Variants in MYLK observed in about 807,000 individuals in gnomAD.
MYLK encodes the protein myosin light chain kinase, smooth muscle.
A neutral mutation model predicts 203.4 loss-of-function variants in MYLK; 106 were observed. The ratio of observed to expected loss-of-function variants is 0.52; its 90% CI spans 0.45 to 0.61. The LOEUF (loss-of-function observed/expected upper bound fraction) is 0.61, where lower values mean the gene tolerates loss of function less well. MYLK is among the 20% of genes least tolerant of loss of function. The probability of loss-of-function intolerance (pLI) is 0.00; values close to 1 mark genes in which losing one functional copy is unlikely to be tolerated. For missense variants in MYLK, 2,072 were observed against 2,442.3 expected (o/e 0.85, Z 3.20); for synonymous variants, 867 against 959.5 (o/e 0.90, Z 1.78).
chr3:123,834,601 G>A (rs1037556891), intron 2 of MYLK, among the ~76,000 whole-genome samples: 17 of 151,934 alleles, frequency 1.1e-4, no homozygotes, highest in African/African-American at 4.1e-4. Context: ...GATGCGCAGT[G>A]GGATTATTGA....
At chr3:123,815,222 C>G (rs1441182057) in intron 3 of MYLK, among the ~76,000 whole-genome samples, 1 of 152,140 alleles carries the variant, frequency 6.6e-6, no homozygotes, top group Non-Finnish European at 1.5e-5. Flanking sequence ...GTCAACTTGC[C>G]TGGTGCTGAC....
chr3:123,779,581 C>T (rs558814516), intron 4 of MYLK, among the ~76,000 whole-genome samples: 26 of 152,312 alleles, frequency 1.7e-4, no homozygotes, highest in African/African-American at 5.8e-4. Flanking sequence ...CTCGTCCTGC[C>T]GTAATCCCTG....
rs764092408 is a variant in MYLK at position 123,733,856 on chromosome 3, G to A, written c.1140C>T (p.Ala380=). ...GGCCAGGCTGCCTGGTGGGGAAGGTGGCTGGACGGGGAGGAGCTGGCCTCT... is the reference window on the plus strand; with the variant it reads ...GGCCAGGCTGCCTGGTGGGGAAGGTAGCTGGACGGGGAGGAGCTGGCCTCT... ...ERKRPAPPRP[A]TFPTRQPGLG... is the part of the protein sequence containing the mutation. The change falls in exon 10 of 34, where the codon GCC becomes GCT. Residue 380 remains alanine, a synonymous_variant. Coordinates refer to ENST00000360304, the MANE Select transcript of MYLK (RefSeq NM_053025.4). 1 of 1,614,140 alleles carries A rather than the reference G, an allele frequency of 6.2e-7. No homozygotes were observed. The highest frequency in any genetic ancestry group is 8.5e-7 in the Non-Finnish European group (1 of 1,180,050).
At position 123,793,736 on chromosome 3, in the gene MYLK, T is replaced by G. The variant is rs771936901; in HGVS notation, c.106A>C (p.Ile36Leu). ...SMPLTEAPAF[I>L]LPPRNLCIKE... ...ATGCAGAGGTTCCGAGGGGGCAAAA[T>G]GAAAGCAGGGGCCTCTGTCAGGGGC... Residue 36 changes from isoleucine (I) to leucine (L), a missense_variant, in exon 4 of 34, where the codon ATT becomes CTT. Ile to Leu is a conservative substitution (Grantham distance 5). Transcript: ENST00000360304. The G allele has an allele frequency of 6.2e-7, 1 of 1,614,020 alleles. No homozygotes were observed. The highest frequency in any genetic ancestry group is 1.7e-5 in the Admixed American group (1 of 60,010).
chr3:123,814,157 G>C, intron 3 of MYLK: 1 of 359,798 alleles, frequency 2.8e-6, no homozygotes, highest in Admixed American at 2.7e-5. Context: ...CTGACTCATG[G>C]GCCCTGTTCC....
In MYLK at chr3:123,734,470, C is replaced by T. The variant is rs2062605824; in HGVS notation, c.774-248G>A. On this transcript the variant is annotated intron_variant, in intron 9 of 33. Transcript: ENST00000360304. ...CCAGAGCCCTGCTTTCCCTACAGTT[C>T]CCTTCTCTACTAGTGCCTCCGTAGT... 6.9e-6 allele frequency: 3 copies of T among 433,642 alleles called. No individual in the cohort carries two copies. In the Admixed American group the frequency reaches 1.2e-4, roughly 17 times the overall value. 26.9% of individuals were successfully genotyped at this position (433,642 alleles called of 1,614,324 possible). A position where few individuals can be genotyped will look rare whatever the true frequency, so the allele number is the denominator to read the frequency against.
intron 5 of MYLK, among the ~76,000 whole-genome samples, chr3:123,741,119 A>G (rs1207541648): frequency 6.6e-6 from 1 of 152,208 alleles, no homozygotes; most frequent in East Asian, 1.9e-4. Flanking sequence ...CTCTGATATC[A>G]GCAGACAGTT....
rs544344884 is a variant in MYLK, at chr3:123,699,247, AC to A, written c.3448+772del. ...GGTCCAGAGAAAATACTCCTGTGTCACCCCCATCTCTTCTCCAAGTATAAAC... is the reference window on the plus strand; with the variant it reads ...GGTCCAGAGAAAATACTCCTGTGTCACCCCATCTCTTCTCCAAGTATAAAC... On this transcript the variant is annotated intron_variant, in intron 18 of 33. Coordinates refer to ENST00000360304, the MANE Select transcript of MYLK (RefSeq NM_053025.4). 2.8e-4 allele frequency among the ~76,000 whole-genome samples: 42 copies of A among 151,722 alleles called. 1 individual carries two copies. The South Asian group carries it at 8.8e-3, about 32-fold the overall frequency.
In MYLK at chr3:123,793,854, G is replaced by T; in HGVS notation, c.-3-10C>A. ...TCACATCCCCCATGGTCTGCAAAAAGGAAGGAAGAGGACAAGGTCAGATCA... is the reference window on the plus strand; with the variant it reads ...TCACATCCCCCATGGTCTGCAAAAATGAAGGAAGAGGACAAGGTCAGATCA... On this transcript the variant is annotated splice_polypyrimidine_tract_variant and intron_variant, in intron 3 of 33. Transcript: ENST00000360304. 6.2e-7 allele frequency: 1 copy of T among 1,614,108 alleles called. No homozygotes were observed. Among genetic ancestry groups the T allele is most frequent in the Non-Finnish European group, 8.5e-7 (1 of 1,180,008 alleles).
intron 20 of MYLK, among the ~76,000 whole-genome samples, chr3:123,675,921 T>G (rs1055600375): frequency 6.6e-5 from 10 of 152,334 alleles, no homozygotes; most frequent in Admixed American, 4.6e-4. Context: ...ATATTGGTCA[T>G]TTTCCCAGAA....
chr3:123,699,665 G>A (rs1172524648), intron 18 of MYLK, among the ~76,000 whole-genome samples: 2 of 152,202 alleles, frequency 1.3e-5, no homozygotes, highest in Non-Finnish European at 2.9e-5. Flanking sequence ...TCTCCATGCC[G>A]GAGCTTGGAA....
chr3:123,748,209 C>CTA (rs1560167852), intron 5 of MYLK, among the ~76,000 whole-genome samples: 1 of 152,292 alleles, frequency 6.6e-6, no homozygotes, highest in East Asian at 1.9e-4. Flanking sequence ...GTCCCAGACT[C>CTA]TTTTAAACAA....
chr3:123,615,718 G>A (rs1408708526), intron 33 of MYLK, among the ~76,000 whole-genome samples: 7 of 150,576 alleles, frequency 4.6e-5, no homozygotes, highest in Non-Finnish European at 7.4e-5. Context: ...GCATGATCTC[G>A]GGTCACTGCA....
chr3:123,870,395 C>T (rs1486255403), intron 2 of MYLK, among the ~76,000 whole-genome samples: 1 of 152,200 alleles, frequency 6.6e-6, no homozygotes, highest in African/African-American at 2.4e-5. Flanking sequence ...CTGAAGGGCA[C>T]AGGTGTTTCC....
intron 33 of MYLK, among the ~76,000 whole-genome samples, chr3:123,615,894 C>G (rs2107829900): frequency 6.6e-6 from 1 of 152,316 alleles, no homozygotes; most frequent in East Asian, 1.9e-4. Context: ...AGTGATCTGC[C>G]TGCCTTGGCC....
intron 16 of MYLK, among the ~76,000 whole-genome samples, chr3:123,704,830 G>A (rs889014607): frequency 6.6e-6 from 1 of 151,936 alleles, no homozygotes; most frequent in African/African-American, 2.4e-5. Context: ...TGAGGCAGGA[G>A]AATGGCGTGA....
chr3:123,718,949 A>G (rs1225257458), intron 13 of MYLK, among the ~76,000 whole-genome samples: 2 of 152,194 alleles, frequency 1.3e-5, no homozygotes, highest in Non-Finnish European at 1.5e-5. Context: ...GTGTAATACT[A>G]GAAGCACACG....
intron 3 of MYLK, among the ~76,000 whole-genome samples, chr3:123,795,676 G>T (rs1329404461): frequency 1.3e-5 from 2 of 152,218 alleles, no homozygotes; most frequent in Non-Finnish European, 2.9e-5. Context: ...CCTGTCCCAG[G>T]TTCCAAGTGC....
At chr3:123,752,247 AAG>A in intron 5 of MYLK, 82 bp downstream of exon 5, 1 of 1,422,068 alleles carries the variant, frequency 7.0e-7, no homozygotes, top group Non-Finnish European at 9.9e-7. Flanking sequence ...TCCATCCTTC[AAG>A]AGAGGGCTAA....
Sources: gnomAD v4.1 joint callset for allele counts (sites outside exome capture counted in the v4.1 genomes callset) on GRCh38, gnomAD v4.1.1 for gene constraint, MANE v1.5 for transcripts, NCBI Gene and HGNC (gene_info 2026-07-23, HGNC 2026-07-21) for gene names.